The following SLC5A1 variants were observed in gnomAD, a reference collection of about 807,000 sequenced individuals.
The protein encoded by SLC5A1 is sodium/glucose cotransporter 1.
Under a neutral mutation model 73.5 loss-of-function variants are expected in SLC5A1, and 42 were observed. The observed-to-expected ratio is 0.57, with a 90% CI of 0.45 to 0.74. SLC5A1 has a LOEUF of 0.74. Ranked by LOEUF, SLC5A1 falls within the 30% of genes least tolerant of loss-of-function variation. The probability of loss-of-function intolerance (pLI) is 0.00; values close to 1 mark genes in which losing one functional copy is unlikely to be tolerated. For missense variants in SLC5A1, 634 were observed against 855.4 expected, an observed-to-expected ratio of 0.74 and a Z score of 3.23; for synonymous variants, 300 against 317.4, an observed-to-expected ratio of 0.95 and a Z score of 0.58.
intron 2 of SLC5A1, among the ~76,000 whole-genome samples, chr22:32,057,087 A>G (rs2093952960): frequency 6.6e-6 from 1 of 152,226 alleles, no homozygotes. Flanking sequence ...ATAGTTTGCT[A>G]TGGCGGAACC....
intron 11 of SLC5A1, among the ~76,000 whole-genome samples, chr22:32,094,926 T>C (rs1391323495): frequency 6.6e-6 from 1 of 152,102 alleles, no homozygotes; most frequent in Non-Finnish European, 1.5e-5. Context: ...CCTTGAGGTG[T>C]GACCTTAGAT....
At chr22:32,056,138 T>C (rs1400221469) in intron 2 of SLC5A1, among the ~76,000 whole-genome samples, 2 of 152,130 alleles carry the variant, frequency 1.3e-5, no homozygotes, top group African/African-American at 4.8e-5. Flanking sequence ...CCTCCCACCT[T>C]AGCTTCCTGA....
chr22:32,067,623 G>A (rs93108), intron 3 of SLC5A1, among the ~76,000 whole-genome samples: 75,070 of 151,802 alleles, frequency 0.49, 21,731 homozygotes, highest in East Asian at 0.84. Context: ...AATAGTAGTC[G>A]TCATAATAAA....
intron 10 of SLC5A1, among the ~76,000 whole-genome samples, chr22:32,090,100 C>CA (rs11365344): frequency 0.01 from 1,058 of 105,378 alleles, 6 homozygotes; most frequent in Middle Eastern, 0.016. Flanking sequence ...CCTTGTCTTT[C>CA]AAAAAAAAAA....
chr22:32,049,096 AT>A (rs1223058483), intron 1 of SLC5A1, among the ~76,000 whole-genome samples: 2,941 of 142,908 alleles, frequency 0.021, 143 homozygotes, highest in African/African-American at 0.073. Context: ...AAATAAATAT[AT>A]ATATATATAT....
intron 2 of SLC5A1, among the ~76,000 whole-genome samples, chr22:32,053,033 G>A (rs757650748): frequency 6.6e-6 from 1 of 152,116 alleles, no homozygotes; most frequent in Non-Finnish European, 1.5e-5. Context: ...TAGGCTCATG[G>A]GAGTAAAACT....
At chr22:32,067,847 A>G in intron 3 of SLC5A1, 120 bp from the exon 4 acceptor site, 1 of 1,027,168 alleles carries the variant, frequency 9.7e-7, no homozygotes, top group Non-Finnish European at 1.5e-6. Flanking sequence ...GCAGTCTCTA[A>G]CGGCTCCTTA....
Position 32,043,466 on chromosome 22 carries a change from G to A in SLC5A1, c.135+50G>A, listed in dbSNP as rs1291331082. ...GGTGGGGAGGGTGCGCACAGAGGAG[G>A]AGCAATGGCCTCGCTGAGCTGCAAG... On this transcript the variant is annotated intron_variant, in intron 1 of 14. Coordinates refer to ENST00000266088, the MANE Select transcript of SLC5A1 (RefSeq NM_000343.4). This position sits in a 1 kb window ranked among gnomAD's most constrained non-coding sequence, Gnocchi z 6.5. The A allele has an allele frequency of 1.9e-6, 3 of 1,602,820 alleles. No individual in the cohort carries two copies. Among genetic ancestry groups the A allele is most frequent in the South Asian group, 1.1e-5 (1 of 89,998 alleles).
chr22:32,090,797 A>G (rs2094015997), intron 10 of SLC5A1, among the ~76,000 whole-genome samples: 1 of 151,912 alleles, frequency 6.6e-6, no homozygotes, highest in African/African-American at 2.4e-5. Flanking sequence ...ACCATCTGAA[A>G]AACTGACTGA....
intron 6 of SLC5A1, 143 bp from the exon 7 acceptor site, chr22:32,082,931 G>C (rs1220791845): frequency 1.4e-6 from 1 of 726,982 alleles, no homozygotes. Flanking sequence ...GGACAAGGGA[G>C]GGAAGGAAGG....
intron 2 of SLC5A1, among the ~76,000 whole-genome samples, chr22:32,062,091 G>A (rs781355985): frequency 6.6e-6 from 1 of 152,168 alleles, no homozygotes; most frequent in Non-Finnish European, 1.5e-5. Context: ...CAGGACTGAT[G>A]GGTAGACTTC....
rs1359518825 is a variant in SLC5A1, at chr22:32,112,368, T to G, written c.*2155T>G. 1 of 152,148 alleles carries G rather than the reference T, an allele frequency of 6.6e-6. No homozygotes were observed. Among genetic ancestry groups the G allele is most frequent in the African/African-American group, 2.4e-5 (1 of 41,426 alleles). The allele number at this position is 152,148 out of a possible 1,614,324, so 9.4% of individuals were successfully genotyped here. A position where few individuals can be genotyped will look rare whatever the true frequency, so the allele number is the denominator to read the frequency against. On this transcript the variant is annotated 3_prime_UTR_variant, in exon 15 of 15. Transcript: ENST00000266088. ...CACCTTGGCTGAGTCCCTAAAACTCTCTGAACCTCAGGTTCCTCCAAGCAT... is the reference window on the plus strand; with the variant it reads ...CACCTTGGCTGAGTCCCTAAAACTCGCTGAACCTCAGGTTCCTCCAAGCAT...
chr22:32,096,175 C>T (rs1482647214), intron 11 of SLC5A1, among the ~76,000 whole-genome samples: 1 of 152,172 alleles, frequency 6.6e-6, no homozygotes, highest in African/African-American at 2.4e-5. Context: ...ACAATTTAGT[C>T]CTGCCTCCTG....
intron 7 of SLC5A1, 144 bp from the exon 8 acceptor site, chr22:32,084,295 T>C: frequency 1.4e-6 from 1 of 726,792 alleles, no homozygotes; most frequent in Non-Finnish European, 2.5e-6. Flanking sequence ...AGGCCCAGAA[T>C]GGGAAGGTGA....
At chr22:32,063,948 ACT>A in intron 2 of SLC5A1, among the ~76,000 whole-genome samples, 1 of 151,980 alleles carries the variant, frequency 6.6e-6, no homozygotes, top group Non-Finnish European at 1.5e-5. Context: ...GCCTCATTCC[ACT>A]CTCTTCTCAG....
At chr22:32,082,053 T>C in intron 6 of SLC5A1, 82 bp downstream of exon 6, 1 of 915,332 alleles carries the variant, frequency 1.1e-6, no homozygotes, top group South Asian at 1.3e-5. Flanking sequence ...GTAGGAGAGG[T>C]GGTTTCTCTT....
At chr22:32,074,853 C>G (rs1163769432) in intron 5 of SLC5A1, among the ~76,000 whole-genome samples, 2 of 152,082 alleles carry the variant, frequency 1.3e-5, no homozygotes, top group Non-Finnish European at 2.9e-5. Context: ...CTTACACCCT[C>G]TCCAGTTCTC....
chr22:32,080,228 G>A (rs191663736), intron 5 of SLC5A1, among the ~76,000 whole-genome samples: 1 of 152,252 alleles, frequency 6.6e-6, no homozygotes, highest in African/African-American at 2.4e-5. Flanking sequence ...AGGGAAGATG[G>A]TGACATTGGG....
At chr22:32,050,845 C>T (rs1308706087) in intron 2 of SLC5A1, among the ~76,000 whole-genome samples, 1 of 152,170 alleles carries the variant, frequency 6.6e-6, no homozygotes, top group Admixed American at 6.5e-5. Flanking sequence ...TTGAGGCAAG[C>T]CAAGGCAACT....
Sources: allele counts gnomAD v4.1 joint callset (sites outside exome capture counted in the v4.1 genomes callset), GRCh38; gene constraint gnomAD v4.1.1; non-coding constraint Gnocchi (gnomAD v3.1); transcripts MANE v1.5; gene names NCBI Gene and HGNC (gene_info 2026-07-23, HGNC 2026-07-21).